Variants in KLHL5 observed in about 807,000 individuals in gnomAD.
KLHL5 encodes kelch-like protein 5.
KLHL5 carries 48 observed loss-of-function variants against 77.7 expected under a neutral mutation model. The ratio of observed to expected loss-of-function variants is 0.62; its 90% confidence interval spans 0.49 to 0.79. KLHL5 has a LOEUF of 0.79. KLHL5 is among the 30% of genes least tolerant of loss of function. The pLI is 0.00. For synonymous variants in KLHL5, 260 were observed against 297.0 expected (o/e 0.88, Z 1.28); for missense variants, 723 against 859.7 (o/e 0.84, Z 1.99).
rs895983406 is a variant in KLHL5, at chr4:39,123,208, G to C, written c.*2142G>C. ...CAAACAGACCTGTAACAAGTAAAGAGATTGAACCAGTAATCAAAAATCTCC... is the reference window on the plus strand; with the variant it reads ...CAAACAGACCTGTAACAAGTAAAGACATTGAACCAGTAATCAAAAATCTCC... On this transcript the variant is annotated 3_prime_UTR_variant, in exon 11 of 11. Transcript: ENST00000504108. Among the ~76,000 whole-genome samples the C allele has an allele frequency of 6.6e-6, 1 of 152,178 alleles. No homozygotes were observed. Among genetic ancestry groups the C allele is most frequent in the African/African-American group, 2.4e-5 (1 of 41,442 alleles).
chr4:39,127,439 G>GT (rs1198991233), downstream of KLHL5, among the ~76,000 whole-genome samples: 3 of 152,002 alleles, frequency 2.0e-5, no homozygotes, highest in Non-Finnish European at 2.9e-5. Flanking sequence ...GGGGTTTTTT[G>GT]TTTGTTTGAT....
At chr4:39,111,193 G>A (rs1234846822) in intron 8 of KLHL5, among the ~76,000 whole-genome samples, 1 of 152,118 alleles carries the variant, frequency 6.6e-6, no homozygotes, top group African/African-American at 2.4e-5. Context: ...ACACAGAGAC[G>A]TAATTAATTT....
chr4:39,132,195 T>C, the KLHL5 span, among the ~76,000 whole-genome samples: 1 of 145,056 alleles, frequency 6.9e-6, no homozygotes, highest in African/African-American at 2.9e-5. Flanking sequence ...AGGAAATGCA[T>C]TGGAATGTCC....
rs1323435920 is a variant in KLHL5 at position 39,123,113 on chromosome 4, A to C, written c.*2047A>C. 6.6e-6 allele frequency among the ~76,000 whole-genome samples: 1 copy of C among 152,342 alleles called. No homozygotes were observed. Among genetic ancestry groups the C allele is most frequent in the Middle Eastern group, 3.4e-3 (1 of 294 alleles). Reference sequence around the variant, plus strand: ...ATTTATTCATAGAAGCATTGTTGCCAACAATTTAGATGACCTCGATGAAAA... The same window carrying C: ...ATTTATTCATAGAAGCATTGTTGCCCACAATTTAGATGACCTCGATGAAAA... On this transcript the variant is annotated 3_prime_UTR_variant, in exon 11 of 11. Coordinates refer to ENST00000504108, the MANE Select transcript of KLHL5 (RefSeq NM_015990.5).
rs1461073997 is a variant in KLHL5 at position 39,113,023 on chromosome 4, TTA to T, written c.1694_1695del (p.Tyr565CysfsTer6). 6.2e-7 allele frequency: 1 copy of T among 1,612,416 alleles called. No individual in the cohort carries two copies. Among genetic ancestry groups the T allele is most frequent in the Non-Finnish European group, 8.5e-7 (1 of 1,179,360 alleles). The stretch of plus-strand genomic sequence containing the variant: ...ATTTCATATATTCTTTTTGCAGACT[TTA>T]TGCAGTTGGTGGTCGTGATGGAAGT... ...VGVAVLSGKLYAVGGRDGSSC... is the reference protein window; with the variant it reads ...VGVAVLSGKLXAVGGRDGSSC... On this transcript the variant is annotated frameshift_variant, in exon 9 of 11. Transcript: ENST00000504108. LOFTEE classifies it high-confidence loss of function.
In KLHL5 at chr4:39,062,401, G is replaced by A; in HGVS notation, c.-252G>A. 4.1e-6 allele frequency: 6 copies of A among 1,467,120 alleles called. No homozygotes were observed. The highest frequency in any genetic ancestry group is 5.4e-6 in the Non-Finnish European group (6 of 1,117,136). 90.9% of individuals were successfully genotyped at this position (1,467,120 alleles called of 1,614,324 possible). Reference sequence around the variant, plus strand: ...GTGGTCTAGCTGCTTCAGGATAGGTGGATGAGAGTTTGCTCTGATTGAACG... The same window carrying A: ...GTGGTCTAGCTGCTTCAGGATAGGTAGATGAGAGTTTGCTCTGATTGAACG... On this transcript the variant is annotated 5_prime_UTR_variant, in exon 1 of 11. Coordinates refer to ENST00000504108, the MANE Select transcript of KLHL5 (RefSeq NM_015990.5).
At chr4:39,083,319 G>A (rs2711936) in intron 4 of KLHL5, among the ~76,000 whole-genome samples, 114,049 of 152,080 alleles carry the variant, frequency 0.75, 42,820 homozygotes, top group East Asian at 0.83. Context: ...TATCCAGTCA[G>A]TGAGTCTCAT....
chr4:39,070,652 A>G (rs889459736), intron 1 of KLHL5, among the ~76,000 whole-genome samples: 4 of 152,132 alleles, frequency 2.6e-5, no homozygotes, highest in African/African-American at 9.7e-5. Flanking sequence ...CTTCCCCTTC[A>G]TACTGGTTAT....
At chr4:39,078,037 C>CATCATATG (rs1184428990) in intron 2 of KLHL5, among the ~76,000 whole-genome samples, 3 of 152,132 alleles carry the variant, frequency 2.0e-5, no homozygotes, top group Non-Finnish European at 4.4e-5. Flanking sequence ...GAAAACCAAA[C>CATCATATG]ATCATATGTT....
chr4:39,097,555 G>A (rs537006317), intron 6 of KLHL5, among the ~76,000 whole-genome samples: 6 of 152,134 alleles, frequency 3.9e-5, no homozygotes, highest in South Asian at 4.1e-4. Context: ...CATCTATGCC[G>A]TCCTTGCCAG....
chr4:39,056,787 T>C (rs1717038752), intron 1 of KLHL5, among the ~76,000 whole-genome samples: 2 of 152,242 alleles, frequency 1.3e-5, no homozygotes, highest in Non-Finnish European at 2.9e-5. Context: ...TCCTTACTTA[T>C]GTTAATTTTA....
At chr4:39,117,883 T>C (rs1722951078) in intron 10 of KLHL5, among the ~76,000 whole-genome samples, 1 of 151,986 alleles carries the variant, frequency 6.6e-6, no homozygotes, top group African/African-American at 2.4e-5. Flanking sequence ...GAGACCAGCA[T>C]GGCCGACATG....
At chr4:39,116,529 G>T (rs915081284) in intron 10 of KLHL5, among the ~76,000 whole-genome samples, 2 of 152,098 alleles carry the variant, frequency 1.3e-5, no homozygotes, top group African/African-American at 4.8e-5. Context: ...GAAAGCTTTA[G>T]TGAGAATGAA....
chr4:39,142,850 CA>C, the KLHL5 span, among the ~76,000 whole-genome samples: 149 of 150,636 alleles, frequency 9.9e-4, 1 homozygote, highest in African/African-American at 3.3e-3. Context: ...ATGTAACATC[CA>C]AAAAAATAAC....
chr4:39,076,743 G>GTTT (rs137873302), intron 2 of KLHL5, among the ~76,000 whole-genome samples: 1 of 121,202 alleles, frequency 8.3e-6, no homozygotes, highest in Admixed American at 8.1e-5. Flanking sequence ...ATTCTCAAAG[G>GTTT]TTTTTTTTTT....
At chr4:39,071,336 GTTTCGGAAGAGCT>G (rs539214081) in intron 1 of KLHL5, among the ~76,000 whole-genome samples, 229 of 152,258 alleles carry the variant, frequency 1.5e-3, no homozygotes, top group African/African-American at 5.2e-3. Flanking sequence ...ACTATTTAGA[GTTTCGGAAGAGCT>G]TTTTTTCCTA....
the KLHL5 span, among the ~76,000 whole-genome samples, chr4:39,135,887 A>G: frequency 6.6e-6 from 1 of 152,024 alleles, no homozygotes. Flanking sequence ...CTGGGCAACA[A>G]GAGCAAAACT....
At chr4:39,106,861 T>C (rs1722072227) in intron 7 of KLHL5, among the ~76,000 whole-genome samples, 1 of 151,774 alleles carries the variant, frequency 6.6e-6, no homozygotes, top group African/African-American at 2.4e-5. Context: ...AGGGGATCTT[T>C]CACCTTGGCT....
intron 1 of KLHL5, among the ~76,000 whole-genome samples, chr4:39,072,512 C>G (rs1245822645): frequency 6.6e-6 from 1 of 152,190 alleles, no homozygotes; most frequent in Non-Finnish European, 1.5e-5. Flanking sequence ...TGTTCCATAT[C>G]TGTACTGTCC....
Sources: gnomAD v4.1 joint callset for allele counts (sites outside exome capture counted in the v4.1 genomes callset) on GRCh38, gnomAD v4.1.1 for gene constraint, MANE v1.5 for transcripts, NCBI Gene and HGNC (gene_info 2026-07-23, HGNC 2026-07-21) for gene names.